SLC39A8: variants seen among roughly 807,000 people sequenced by gnomAD.
SLC39A8 encodes solute carrier family 39 member 8.
Under a neutral mutation model 40.4 loss-of-function variants are expected in SLC39A8, and 15 were observed. The ratio of observed to expected loss-of-function variants is 0.37; its 90% CI spans 0.25 to 0.57. SLC39A8 has a LOEUF of 0.57. Among genes scored for constraint, SLC39A8 ranks in the 20% least tolerant of loss-of-function variants. SLC39A8 has a pLI of 0.75. For synonymous variants in SLC39A8, 223 were observed against 221.6 expected (o/e 1.01, Z -0.06); for missense variants, 472 against 558.8 (o/e 0.84, Z 1.57).
At chr4:102,281,659 G>C (rs892165262) in intron 6 of SLC39A8, among the ~76,000 whole-genome samples, 14 of 152,072 alleles carry the variant, frequency 9.2e-5, no homozygotes, top group African/African-American at 3.4e-4. Context: ...TAGGCAAGGT[G>C]CCAACAGAGA....
At chr4:102,259,986 C>G (rs951956661), downstream of SLC39A8, among the ~76,000 whole-genome samples, 58 of 152,252 alleles carry the variant, frequency 3.8e-4, no homozygotes, top group African/African-American at 1.3e-3. Flanking sequence ...CATAGGATTT[C>G]TTCAAGGTAA....
intron 6 of SLC39A8, among the ~76,000 whole-genome samples, chr4:102,270,338 T>A (rs1732293675): frequency 6.6e-6 from 1 of 152,204 alleles, no homozygotes; most frequent in South Asian, 2.1e-4. Flanking sequence ...TGCCTCATGC[T>A]TTGGTCCCAA....
At chr4:102,276,115 A>G (rs985820342) in intron 6 of SLC39A8, among the ~76,000 whole-genome samples, 2 of 152,230 alleles carry the variant, frequency 1.3e-5, no homozygotes, top group Non-Finnish European at 2.9e-5. Context: ...AGCCAGCTGA[A>G]GGCAAGAAAT....
At chr4:102,307,290 T>G (rs1734220939) in intron 4 of SLC39A8, 146 bp downstream of exon 4, 2 of 950,384 alleles carry the variant, frequency 2.1e-6, no homozygotes, top group Non-Finnish European at 3.2e-6. Context: ...GCCTTTACAA[T>G]TGCTGTGATT....
intron 6 of SLC39A8, among the ~76,000 whole-genome samples, chr4:102,285,338 TAATTG>T (rs1733117714): frequency 6.6e-6 from 1 of 151,102 alleles, no homozygotes; most frequent in South Asian, 2.1e-4. Context: ...GAAGAGTTAT[TAATTG>T]AATTGAGAGC....
intron 6 of SLC39A8, among the ~76,000 whole-genome samples, chr4:102,282,157 G>A (rs181757735): frequency 2.0e-4 from 31 of 152,318 alleles, no homozygotes; most frequent in Middle Eastern, 3.4e-3. Flanking sequence ...TGCCAAAGAA[G>A]CTAAGCCTGT....
intron 2 of SLC39A8, among the ~76,000 whole-genome samples, chr4:102,324,048 C>T (rs1380431467): frequency 6.6e-6 from 1 of 152,210 alleles, no homozygotes; most frequent in Non-Finnish European, 1.5e-5. Flanking sequence ...CCAGATTTCA[C>T]CACTACCCAA....
At chr4:102,285,940 G>C (rs751309839) in intron 6 of SLC39A8, among the ~76,000 whole-genome samples, 3 of 152,132 alleles carry the variant, frequency 2.0e-5, no homozygotes, top group Non-Finnish European at 4.4e-5. Context: ...CTGAGTAAAA[G>C]TTACTCACCA....
At chr4:102,260,566 C>A (rs1487113356), downstream of SLC39A8, among the ~76,000 whole-genome samples, 3 of 152,194 alleles carry the variant, frequency 2.0e-5, no homozygotes, top group Non-Finnish European at 4.4e-5. Context: ...AGGTGGGAGT[C>A]ACAAGTTAAA....
intron 3 of SLC39A8, among the ~76,000 whole-genome samples, chr4:102,314,882 G>A (rs1484557205): frequency 6.6e-6 from 1 of 152,134 alleles, no homozygotes; most frequent in African/African-American, 2.4e-5. Flanking sequence ...TAAAAAGACA[G>A]ATAATTATTC....
chr4:102,276,756 C>A (rs548415066), intron 6 of SLC39A8, among the ~76,000 whole-genome samples: 1 of 152,108 alleles, frequency 6.6e-6, no homozygotes, highest in African/African-American at 2.4e-5. Flanking sequence ...ACTGGTATAC[C>A]AAATCCAGTA....
chr4:102,272,281 TA>T (rs1454723223), intron 6 of SLC39A8, among the ~76,000 whole-genome samples: 1 of 150,990 alleles, frequency 6.6e-6, no homozygotes, highest in South Asian at 2.1e-4. Flanking sequence ...AAAATACTAA[TA>T]AAAAAAATTA....
chr4:102,296,613 GTTAA>G (rs1336926044), intron 6 of SLC39A8, among the ~76,000 whole-genome samples: 1 of 152,084 alleles, frequency 6.6e-6, no homozygotes, highest in Non-Finnish European at 1.5e-5. Context: ...GCTCAAAGGT[GTTAA>G]TTATTTTTTC....
intron 6 of SLC39A8, among the ~76,000 whole-genome samples, chr4:102,292,872 C>A (rs1170595239): frequency 6.6e-6 from 1 of 152,038 alleles, no homozygotes; most frequent in Non-Finnish European, 1.5e-5. Flanking sequence ...ATTTAATCCT[C>A]ATAATAATCC....
At chr4:102,286,035 CA>C (rs1560538056) in intron 6 of SLC39A8, among the ~76,000 whole-genome samples, 1 of 152,086 alleles carries the variant, frequency 6.6e-6, no homozygotes, top group Non-Finnish European at 1.5e-5. Flanking sequence ...AAGCAAATAG[CA>C]GAAGCCAAAG....
At position 102,268,091 on chromosome 4, in the gene SLC39A8, T is replaced by C. The variant is rs747577054; in HGVS notation, c.841-12A>G. ...TCTTTTTTTCCATCCTAGCAGAAAA[T>C]CAATTAAAATGATAACCAACATTTC... is the stretch of plus-strand genomic sequence containing the variant. On this transcript the variant is annotated splice_polypyrimidine_tract_variant and intron_variant, in intron 6 of 8. Coordinates refer to ENST00000356736, the MANE Select transcript of SLC39A8 (RefSeq NM_001135146.2). The C allele has an allele frequency of 5.0e-6, 8 of 1,613,334 alleles. No individual in the cohort carries two copies. The highest frequency in any genetic ancestry group is 5.9e-6 in the Non-Finnish European group (7 of 1,179,500).
intron 6 of SLC39A8, among the ~76,000 whole-genome samples, chr4:102,289,058 T>G (rs1209924145): frequency 6.6e-6 from 1 of 152,158 alleles, no homozygotes; most frequent in Admixed American, 6.5e-5. Context: ...GTGCCTGGTT[T>G]CAAAGCTTCA....
intron 2 of SLC39A8, among the ~76,000 whole-genome samples, chr4:102,332,027 G>A (rs533729149): frequency 1.4e-4 from 21 of 151,990 alleles, no homozygotes; most frequent in Non-Finnish European, 3.1e-4. Flanking sequence ...AAAATAAATT[G>A]AAGATTTGAA....
At chr4:102,285,178 G>A (rs1404330536) in intron 6 of SLC39A8, among the ~76,000 whole-genome samples, 2 of 152,102 alleles carry the variant, frequency 1.3e-5, no homozygotes, top group East Asian at 1.9e-4. Context: ...TAATCACTTC[G>A]AAAAAGAATT....
Sources: allele counts gnomAD v4.1 joint callset (sites outside exome capture counted in the v4.1 genomes callset), GRCh38; gene constraint gnomAD v4.1.1; transcripts MANE v1.5; gene names NCBI Gene and HGNC (gene_info 2026-07-23, HGNC 2026-07-21).